The following LHFPL1 variants were observed in gnomAD, a reference collection of about 807,000 sequenced individuals.
LHFPL1 encodes LHFPL tetraspan subfamily member 1, also known as LHFPL tetraspan subfamily member 1 protein.
In LHFPL1, 4 loss-of-function variants were observed where a neutral mutation model predicts 12.1. The ratio of observed to expected loss-of-function variants is 0.33; its 90% confidence interval spans 0.16 to 0.76. The LOEUF is 0.76. LHFPL1 is among the 30% of genes least tolerant of loss of function. The pLI, the probability that LHFPL1 is intolerant of heterozygous loss-of-function variation, is 0.61. For missense variants in LHFPL1, 141 were observed against 174.1 expected (o/e 0.81, Z 1.07); for synonymous variants, 52 against 61.9 (o/e 0.84, Z 0.75).
At chrX:112,672,261 C>T (rs1931530112) in intron 1 of LHFPL1, among the ~76,000 whole-genome samples, 1 of 111,930 alleles carries the variant, frequency 8.9e-6, no homozygotes, top group African/African-American at 3.2e-5. Context: ...ATCAGGCACT[C>T]CCTACCTTGC....
intron 3 of LHFPL1, 103 bp from the exon 4 acceptor site, chrX:112,631,704 T>C: frequency 1.8e-6 from 1 of 565,104 alleles, no homozygotes; most frequent in Non-Finnish European, 2.7e-6. Flanking sequence ...TTTTTATACA[T>C]TCTCTTTGGG....
chrX:112,660,674 G>A lies in LHFPL1; in HGVS notation c.434C>T (p.Pro145Leu), dbSNP rs138176909. The A allele has an allele frequency of 1.3e-4, 161 of 1,208,856 alleles. No homozygotes were observed. In the African/African-American group the frequency reaches 2.5e-3, roughly 19 times the overall value. Reference sequence around the variant, plus strand: ...ATTCCCACATGTTTGCATTATCTCCGGGCTATTCCATCCTAAAGGGTATAA... The same window carrying A: ...ATTCCCACATGTTTGCATTATCTCCAGGCTATTCCATCCTAAAGGGTATAA... ...CALYPLGWNS[P>L]EIMQTCGNVS... Residue 145 changes from proline (P) to leucine (L), a missense_variant, in exon 3 of 4, where the codon CCG becomes CTG. Transcript: ENST00000371968.
At chrX:112,635,677 T>A (rs1329995188) in intron 3 of LHFPL1, among the ~76,000 whole-genome samples, 1 of 112,069 alleles carries the variant, frequency 8.9e-6, no homozygotes, top group East Asian at 2.8e-4. Flanking sequence ...GAAGGAGGAA[T>A]TATTTGCAGC....
chrX:112,669,971 G>C (rs1931449973), intron 2 of LHFPL1, among the ~76,000 whole-genome samples: 2 of 111,570 alleles, frequency 1.8e-5, no homozygotes, highest in African/African-American at 6.5e-5. Context: ...ATCACCAGGG[G>C]ACAAATTCAA....
intron 3 of LHFPL1, among the ~76,000 whole-genome samples, chrX:112,652,095 C>T (rs1234127199): frequency 8.9e-6 from 1 of 112,478 alleles, no homozygotes; most frequent in African/African-American, 3.2e-5. Context: ...TTGGTTAAGC[C>T]TACCCACCCT....
chrX:112,667,597 A>G (rs746887761), intron 2 of LHFPL1, among the ~76,000 whole-genome samples: 1 of 112,739 alleles, frequency 8.9e-6, no homozygotes, highest in East Asian at 2.8e-4. Flanking sequence ...CACTGAAGAT[A>G]GAGGATCTCA....
At chrX:112,678,670 C>G (rs1266999249) in intron 1 of LHFPL1, among the ~76,000 whole-genome samples, 1 of 111,395 alleles carries the variant, frequency 9.0e-6, no homozygotes, top group East Asian at 2.8e-4. Context: ...ATGTTTGTCT[C>G]AACAGAATCA....
At position 112,671,051 on chromosome X, in the gene LHFPL1, T is replaced by C; in HGVS notation, c.340A>G (p.Arg114Gly). The part of the protein sequence containing the change: ...LGCCMEELIS[R>G]MMGRCMGAAQ... ...GCTCCCATGCAACGTCCCATCATTC[T>C]GGAGATGAGCTCCTCCATGCAGCAA... The change falls in exon 2 of 4, where the codon AGA (arginine) becomes GGA (glycine). Residue 114 changes from arginine to glycine, a missense_variant. Transcript: ENST00000371968. 8.3e-7 allele frequency: 1 copy of C among 1,212,020 alleles called. No homozygotes were observed. Among genetic ancestry groups the C allele is most frequent in the Non-Finnish European group, 1.1e-6 (1 of 895,516 alleles).
At chrX:112,647,679 T>C (rs1022271185) in intron 3 of LHFPL1, among the ~76,000 whole-genome samples, 1 of 112,065 alleles carries the variant, frequency 8.9e-6, no homozygotes, top group Non-Finnish European at 1.9e-5. Flanking sequence ...AATAAACAGA[T>C]GCTGGAGAGG....
At chrX:112,643,378 CAAAAAA>C (rs1164744066) in intron 3 of LHFPL1, among the ~76,000 whole-genome samples, 1 of 38,950 alleles carries the variant, frequency 2.6e-5, no homozygotes, top group Non-Finnish European at 4.9e-5. Flanking sequence ...GACTCCGTCT[CAAAAAA>C]AAAAAAAAAA....
chrX:112,651,353 T>C (rs1352788651), intron 3 of LHFPL1, among the ~76,000 whole-genome samples: 1 of 112,168 alleles, frequency 8.9e-6, no homozygotes, highest in Non-Finnish European at 1.9e-5. Context: ...ACATAGGTCA[T>C]AGTCAGTAGG....
At chrX:112,635,171 C>G (rs1282866366) in intron 3 of LHFPL1, among the ~76,000 whole-genome samples, 2 of 111,948 alleles carry the variant, frequency 1.8e-5, no homozygotes, top group East Asian at 2.8e-4. Flanking sequence ...TCCTATGGAC[C>G]ATCATCCATT....
intron 3 of LHFPL1, among the ~76,000 whole-genome samples, chrX:112,640,870 G>A (rs1017432921): frequency 3.6e-5 from 4 of 111,104 alleles, no homozygotes; most frequent in African/African-American, 1.3e-4. Context: ...ATTAACTACA[G>A]GCTTGTTGAA....
chrX:112,635,304 G>T (rs1180494264), intron 3 of LHFPL1, among the ~76,000 whole-genome samples: 1 of 112,560 alleles, frequency 8.9e-6, no homozygotes, highest in Non-Finnish European at 1.9e-5. Flanking sequence ...TAACAGCCAT[G>T]ATTATTTCCA....
At chrX:112,636,401 C>A (rs1009709622) in intron 3 of LHFPL1, among the ~76,000 whole-genome samples, 1 of 112,250 alleles carries the variant, frequency 8.9e-6, no homozygotes, top group Non-Finnish European at 1.9e-5. Flanking sequence ...ATATTGTCTA[C>A]GTTGAGCAAT....
At chrX:112,671,866 T>C (rs1165454595) in intron 1 of LHFPL1, among the ~76,000 whole-genome samples, 2 of 111,250 alleles carry the variant, frequency 1.8e-5, no homozygotes, top group Non-Finnish European at 3.8e-5. Flanking sequence ...GGAGCAAAGT[T>C]GTTTTCAGTG....
intron 3 of LHFPL1, among the ~76,000 whole-genome samples, chrX:112,649,070 A>C (rs1930777418): frequency 9.0e-6 from 1 of 111,629 alleles, no homozygotes; most frequent in South Asian, 3.7e-4. Context: ...TTAGCTCCCA[A>C]TTGTTTTAAA....
intron 3 of LHFPL1, among the ~76,000 whole-genome samples, chrX:112,649,087 TTC>T (rs761402969): frequency 3.5e-4 from 39 of 111,609 alleles, no homozygotes; most frequent in Non-Finnish European, 6.4e-4. Context: ...TAAAGCATAC[TTC>T]TTTTTTTTTA....
chrX:112,637,745 A>T (rs767999145), intron 3 of LHFPL1, among the ~76,000 whole-genome samples: 1 of 112,361 alleles, frequency 8.9e-6, no homozygotes, highest in Non-Finnish European at 1.9e-5. Flanking sequence ...GAGTCAGGGA[A>T]GCAGGGATAT....
Sources: gnomAD v4.1 joint callset for allele counts (sites outside exome capture counted in the v4.1 genomes callset) on GRCh38, gnomAD v4.1.1 for gene constraint, MANE v1.5 for transcripts, NCBI Gene and HGNC (gene_info 2026-07-23, HGNC 2026-07-21) for gene names.